The following FAT3 variants were observed in gnomAD, a reference collection of about 807,000 sequenced individuals.
FAT3 encodes FAT atypical cadherin 3, also known as protocadherin Fat 3.
FAT3 carries 95 observed loss-of-function variants against 310.2 expected under a neutral mutation model. The ratio of observed to expected loss-of-function variants is 0.31; its 90% CI spans 0.26 to 0.36. The LOEUF is 0.36. Among genes scored for constraint, FAT3 ranks in the 10% least tolerant of loss-of-function variants. The pLI, the probability that FAT3 is intolerant of heterozygous loss-of-function variation, is 1.00. For synonymous variants in FAT3, 2,314 were observed against 2,192.9 expected (o/e 1.06, Z -1.54); for missense variants, 5,408 against 5,715.6 (o/e 0.95, Z 1.74).
rs921729846 is a variant in FAT3, at chr11:92,797,784, G to T, written c.4823-52G>T. The T allele has an allele frequency of 4.0e-6, 6 of 1,512,120 alleles. No homozygotes were observed. In the African/African-American group the frequency reaches 6.9e-5, roughly 18 times the overall value. 93.7% of individuals were successfully genotyped at this position (1,512,120 alleles called of 1,614,324 possible). On this transcript the variant is annotated intron_variant, in intron 9 of 27. Coordinates refer to ENST00000525166, the MANE Select transcript of FAT3 (RefSeq NM_001367949.2). The stretch of plus-strand genomic sequence containing the variant: ...CTATAGATAAAGAGTTAATCAAAAA[G>T]ATTTCAGTGACCCACATGTAACTCA...
intron 2 of FAT3, among the ~76,000 whole-genome samples, chr11:92,523,352 A>G (rs957471962): frequency 5.3e-5 from 8 of 152,178 alleles, no homozygotes; most frequent in African/African-American, 1.9e-4. Flanking sequence ...GCCTACCACT[A>G]TGCAGAGTTC....
Position 92,229,490 on chromosome 11 carries a change from G to GTTTT in FAT3, c.-18+4317_-18+4318insTTTT. ...CCTTGTTTTCTTTTTTTGTTTTTTCGTGTTTTTTTTTTTTTTGTTTTTTGT... is the reference window on the plus strand; with the variant it reads ...CCTTGTTTTCTTTTTTTGTTTTTTCGTTTTTGTTTTTTTTTTTTTTGTTTTTTGT... On this transcript the variant is annotated intron_variant, in intron 1 of 27. Coordinates refer to ENST00000525166, the MANE Select transcript of FAT3 (RefSeq NM_001367949.2). 2.4e-3 allele frequency among the ~76,000 whole-genome samples: 112 copies of GTTTT among 46,834 alleles called. 23 individuals are homozygous for GTTTT. Among genetic ancestry groups the GTTTT allele is most frequent in the African/African-American group, 5.6e-3 (73 of 13,124 alleles). 30.7% of individuals were successfully genotyped at this position (46,834 alleles called of 152,430 possible). A position where few individuals can be genotyped will look rare whatever the true frequency, so the allele number is the denominator to read the frequency against.
chr11:92,550,792 A>T (rs1308505801), intron 3 of FAT3, among the ~76,000 whole-genome samples: 1 of 147,522 alleles, frequency 6.8e-6, no homozygotes, highest in East Asian at 2.0e-4. Context: ...TTTTTAAAAG[A>T]GAGTGTTTTG....
intron 4 of FAT3, among the ~76,000 whole-genome samples, chr11:92,724,592 A>C (rs1049398666): frequency 2.6e-5 from 4 of 152,230 alleles, no homozygotes; most frequent in Non-Finnish European, 4.4e-5. Flanking sequence ...GTTTTGTGCT[A>C]TCCAGTTTAT....
intron 2 of FAT3, among the ~76,000 whole-genome samples, chr11:92,476,687 G>A (rs1941438): frequency 6.6e-6 from 1 of 151,922 alleles, no homozygotes; most frequent in Non-Finnish European, 1.5e-5. Flanking sequence ...CTTTATAAAC[G>A]AAGACACTCA....
intron 2 of FAT3, among the ~76,000 whole-genome samples, chr11:92,431,654 G>T (rs935476493): frequency 1.3e-4 from 19 of 151,818 alleles, no homozygotes; most frequent in Non-Finnish European, 2.2e-4. Flanking sequence ...GGTCTAACAT[G>T]TAAGTCTTTA....
At position 92,229,492 on chromosome 11, in the gene FAT3, G is replaced by GTTTT. The variant is rs780129800; in HGVS notation, c.-18+4329_-18+4332dup. ...TTGTTTTCTTTTTTTGTTTTTTCGT[G>GTTTT]TTTTTTTTTTTTTTGTTTTTTGTTT... On this transcript the variant is annotated intron_variant, in intron 1 of 27. Coordinates refer to ENST00000525166, the MANE Select transcript of FAT3 (RefSeq NM_001367949.2). Among the ~76,000 whole-genome samples, 63 of 60,230 alleles carry GTTTT rather than the reference G, an allele frequency of 1.0e-3. 1 individual carries two copies. Among genetic ancestry groups the GTTTT allele is most frequent in the East Asian group, 2.2e-3 (5 of 2,304 alleles). 39.5% of individuals were successfully genotyped at this position (60,230 alleles called of 152,430 possible).
At chr11:92,484,772 A>G (rs1404901765) in intron 2 of FAT3, among the ~76,000 whole-genome samples, 1 of 152,244 alleles carries the variant, frequency 6.6e-6, no homozygotes, top group Non-Finnish European at 1.5e-5. Flanking sequence ...GTTCGCTTCT[A>G]CGCTGCATCT....
chr11:92,551,511 C>T (rs1470748759), intron 3 of FAT3, among the ~76,000 whole-genome samples: 1 of 151,018 alleles, frequency 6.6e-6, no homozygotes, highest in Non-Finnish European at 1.5e-5. Flanking sequence ...TTTTCATAGA[C>T]CCTGCAGTTC....
At chr11:92,751,193 T>C (rs1484933284) in intron 4 of FAT3, among the ~76,000 whole-genome samples, 1 of 152,228 alleles carries the variant, frequency 6.6e-6, no homozygotes, top group Non-Finnish European at 1.5e-5. Flanking sequence ...CATAATGTGA[T>C]GGTTAGGAGC....
rs758587642 is a variant in FAT3, at chr11:92,412,702, GATATATAT to G, written c.3292+57334_3292+57341del. ...GTAAAAGTCCAACTATGATGGTGGTGATATATATATATATATATATATATATATATATA... is the reference window on the plus strand; with the variant it reads ...GTAAAAGTCCAACTATGATGGTGGTGATATATATATATATATATATATATA... On this transcript the variant is annotated intron_variant, in intron 2 of 27. Transcript: ENST00000525166. 7.0e-3 allele frequency among the ~76,000 whole-genome samples: 94 copies of G among 13,460 alleles called. 6 individuals carry two copies. Among genetic ancestry groups the G allele is most frequent in the East Asian group, 0.016 (4 of 258 alleles). The allele number at this position is 13,460 out of a possible 152,430, so 8.8% of individuals were successfully genotyped here.
At chr11:92,769,432 TC>T (rs1212175071) in intron 6 of FAT3, among the ~76,000 whole-genome samples, 1 of 152,230 alleles carries the variant, frequency 6.6e-6, no homozygotes, top group Non-Finnish European at 1.5e-5. Context: ...TGATTTCAAC[TC>T]CACAGCTCCT....
At chr11:92,598,756 C>T (rs764872176) in intron 3 of FAT3, among the ~76,000 whole-genome samples, 13 of 152,098 alleles carry the variant, frequency 8.5e-5, no homozygotes, top group Non-Finnish European at 5.9e-5. Context: ...AGGCCTGGCT[C>T]TTTTATTTAC....
chr11:92,612,375 A>G (rs1940606441), intron 3 of FAT3, among the ~76,000 whole-genome samples: 1 of 152,222 alleles, frequency 6.6e-6, no homozygotes, highest in Admixed American at 6.5e-5. Context: ...TTTTTTCTCA[A>G]TTAGAAGAAT....
At chr11:92,247,313 C>T (rs1398038171) in intron 1 of FAT3, among the ~76,000 whole-genome samples, 1 of 150,934 alleles carries the variant, frequency 6.6e-6, no homozygotes, top group Non-Finnish European at 1.5e-5. Flanking sequence ...ATGGCTGAGC[C>T]TTGAAACCAT....
chr11:92,517,319 A>G (rs776937772), intron 2 of FAT3, among the ~76,000 whole-genome samples: 30 of 152,194 alleles, frequency 2.0e-4, no homozygotes, highest in Non-Finnish European at 3.7e-4. Flanking sequence ...GGCCCCAGAA[A>G]TAACCACACA....
chr11:92,697,037 T>G (rs1943963420), intron 3 of FAT3, among the ~76,000 whole-genome samples: 1 of 152,228 alleles, frequency 6.6e-6, no homozygotes, highest in South Asian at 2.1e-4. Flanking sequence ...TCAGGAACTC[T>G]AAAATCTTTA....
At chr11:92,871,939 T>C (rs1388882710) in intron 22 of FAT3, among the ~76,000 whole-genome samples, 2 of 152,136 alleles carry the variant, frequency 1.3e-5, no homozygotes, top group East Asian at 1.9e-4. Flanking sequence ...ATTCAGGAAT[T>C]GAGAGTCGGA....
At chr11:92,841,965 C>T (rs889180667) in intron 18 of FAT3, among the ~76,000 whole-genome samples, 1 of 152,180 alleles carries the variant, frequency 6.6e-6, no homozygotes, top group African/African-American at 2.4e-5. Context: ...TACATCATTT[C>T]CCTTAGTCAG....
Sources: allele counts gnomAD v4.1 joint callset (sites outside exome capture counted in the v4.1 genomes callset), GRCh38; gene constraint gnomAD v4.1.1; transcripts MANE v1.5; gene names NCBI Gene and HGNC (gene_info 2026-07-23, HGNC 2026-07-21).